MCC: variants seen among roughly 807,000 people sequenced by gnomAD.
MCC encodes colorectal mutant cancer protein.
In MCC, 90 loss-of-function variants were observed where a neutral mutation model predicts 116.2. The ratio of observed to expected loss-of-function variants is 0.77; its 90% confidence interval spans 0.65 to 0.92. The LOEUF is 0.92. Among genes scored for constraint, MCC ranks in the 40% least tolerant of loss-of-function variants. The pLI is 0.00. For missense variants in MCC, 1,516 were observed against 1,312.2 expected (o/e 1.16, Z -2.40); for synonymous variants, 578 against 510.5 (o/e 1.13, Z -1.78).
At chr5:113,376,489 A>G (rs985557196) in intron 2 of MCC, among the ~76,000 whole-genome samples, 2 of 152,122 alleles carry the variant, frequency 1.3e-5, no homozygotes. Flanking sequence ...AAGAGACATA[A>G]AATAAAATGT....
chr5:113,416,675 G>T lies in MCC; in HGVS notation c.171-31463C>A, dbSNP rs184838737. Among the ~76,000 whole-genome samples, 885 of 152,224 alleles carry T rather than the reference G, an allele frequency of 5.8e-3. 3 individuals carry two copies. The highest frequency in any genetic ancestry group is 9.0e-3 in the Non-Finnish European group (609 of 68,008). On this transcript the variant is annotated intron_variant, in intron 1 of 18. Transcript: ENST00000408903. ...AATGGTAGATGCCCTTGGACAGTTA[G>T]ATGAAGTGGCTAGAAAACAAAATAG... is the stretch of plus-strand genomic sequence containing the variant.
chr5:113,488,325 G>A lies in MCC; in HGVS notation c.90C>T (p.Asp30=). The A allele has an allele frequency of 3.8e-6, 6 of 1,561,186 alleles. No homozygotes were observed. Among genetic ancestry groups the A allele is most frequent in the Non-Finnish European group, 5.2e-6 (6 of 1,159,522 alleles). Residue 30 remains aspartate, a synonymous_variant, in exon 1 of 19, where the codon GAC becomes GAT. Transcript: ENST00000408903. The part of the protein sequence containing the change: ...GGSGSSSSSS[D]TSSTGEEERM... ...TCTCCTCCTCGCCGGTGCTGGACGTGTCGCTGCTGCTGCTGCTGCTGCCGC... is the reference window on the plus strand; with the variant it reads ...TCTCCTCCTCGCCGGTGCTGGACGTATCGCTGCTGCTGCTGCTGCTGCCGC...
At chr5:113,169,509 G>A (rs1760960239) in intron 3 of MCC, among the ~76,000 whole-genome samples, 1 of 152,046 alleles carries the variant, frequency 6.6e-6, no homozygotes, top group Admixed American at 6.6e-5. Context: ...GGGTGGAGAT[G>A]AGGTGTGCAC....
chr5:113,294,346 A>G (rs1442991982), intron 3 of MCC: 1 of 1,613,746 alleles, frequency 6.2e-7, no homozygotes, highest in South Asian at 1.1e-5. Context: ...AGCTCGGCCG[A>G]GGAGTCGTTT....
At position 113,292,863 on chromosome 5, in the gene MCC, T is replaced by G. The variant is rs141127621; in HGVS notation, c.627+47656A>C. On this transcript the variant is annotated intron_variant, in intron 3 of 18. Coordinates refer to ENST00000408903, the MANE Select transcript of MCC (RefSeq NM_001085377.2). ...TTAGAAGATCACCAAAGGCTTCTCCTGAAACAGGGTTAGTGATGGAGCAGG... is the reference window on the plus strand; with the variant it reads ...TTAGAAGATCACCAAAGGCTTCTCCGGAAACAGGGTTAGTGATGGAGCAGG... 4.4e-3 allele frequency among the ~76,000 whole-genome samples: 667 copies of G among 152,318 alleles called. 9 individuals carry two copies. Among genetic ancestry groups the G allele is most frequent in the African/African-American group, 0.015 (635 of 41,562 alleles).
intron 3 of MCC, among the ~76,000 whole-genome samples, chr5:113,265,731 C>T (rs1765394859): frequency 1.3e-5 from 2 of 151,848 alleles, no homozygotes; most frequent in Admixed American, 1.3e-4. Context: ...ATCATGCTTC[C>T]CTCACTGCAG....
chr5:113,393,046 AAC>A (rs34998926), intron 1 of MCC, among the ~76,000 whole-genome samples: 3,965 of 152,286 alleles, frequency 0.026, 172 homozygotes, highest in African/African-American at 0.089. Context: ...AAAATATACA[AAC>A]AATGCTATAA....
At chr5:113,333,879 A>ATATATG (rs1767804218) in intron 3 of MCC, among the ~76,000 whole-genome samples, 1 of 98,556 alleles carries the variant, frequency 1.0e-5, no homozygotes, top group Admixed American at 1.2e-4. Context: ...GTATTCACAT[A>ATATATG]TACATGTATT....
At chr5:113,412,748 T>C (rs950053380) in intron 1 of MCC, among the ~76,000 whole-genome samples, 5 of 152,186 alleles carry the variant, frequency 3.3e-5, no homozygotes, top group African/African-American at 7.2e-5. Flanking sequence ...CTTTTCCTAA[T>C]TGAATACCAT....
chr5:113,328,707 G>A (rs1767626541), intron 3 of MCC, among the ~76,000 whole-genome samples: 1 of 152,080 alleles, frequency 6.6e-6, no homozygotes, highest in South Asian at 2.1e-4. Flanking sequence ...ATTCACCAGG[G>A]GTTTTAATTA....
At chr5:113,056,059 A>G (rs1408720464) in intron 14 of MCC, among the ~76,000 whole-genome samples, 1 of 152,200 alleles carries the variant, frequency 6.6e-6, no homozygotes, top group African/African-American at 2.4e-5. Context: ...TAGAATCTAT[A>G]TCAAGAGATC....
intron 15 of MCC, among the ~76,000 whole-genome samples, chr5:113,053,009 G>C (rs6594667): frequency 0.98 from 148,963 of 152,328 alleles, 72,846 homozygotes; most frequent in East Asian, 1. Flanking sequence ...CAGCTGCCTT[G>C]TAAGAGCAGG....
chr5:113,062,316 T>C (rs986359069), intron 14 of MCC, among the ~76,000 whole-genome samples: 1 of 152,258 alleles, frequency 6.6e-6, no homozygotes, highest in East Asian at 1.9e-4. Context: ...GGCTAACCTG[T>C]AAGTTCAAGT....
At chr5:113,076,071 G>A (rs958739965) in intron 11 of MCC, among the ~76,000 whole-genome samples, 3 of 152,152 alleles carry the variant, frequency 2.0e-5, no homozygotes, top group Non-Finnish European at 4.4e-5. Context: ...CCATCTTTAA[G>A]AACTGTAACA....
At chr5:113,335,379 TA>T (rs1028351077) in intron 3 of MCC, among the ~76,000 whole-genome samples, 2 of 151,728 alleles carry the variant, frequency 1.3e-5, no homozygotes, top group Non-Finnish European at 2.9e-5. Flanking sequence ...CTTTTATTAA[TA>T]AAAAATAAAA....
chr5:113,113,258 G>C (rs74335708), intron 6 of MCC, among the ~76,000 whole-genome samples: 2 of 152,184 alleles, frequency 1.3e-5, no homozygotes, highest in African/African-American at 4.8e-5. Flanking sequence ...AGATCTCGTT[G>C]TAGCTCTACG....
chr5:113,348,007 T>C lies in MCC; in HGVS notation c.416-7277A>G, dbSNP rs141451508. 1.3e-3 allele frequency among the ~76,000 whole-genome samples: 198 copies of C among 152,178 alleles called. 1 individual carries two copies. The Middle Eastern group carries it at 0.014, about 10-fold the overall frequency. ...CATTATATAATGATAAAGGGGTCAA[T>C]TCAGCAAGAGGATATAACAATTGTA... is the stretch of plus-strand genomic sequence containing the variant. On this transcript the variant is annotated intron_variant, in intron 2 of 18. Transcript: ENST00000408903.
intron 1 of MCC, among the ~76,000 whole-genome samples, chr5:113,407,797 G>A (rs921222623): frequency 6.6e-6 from 1 of 151,532 alleles, no homozygotes; most frequent in Non-Finnish European, 1.5e-5. Context: ...CCCTTCCCTC[G>A]CACCTCTCCC....
intron 6 of MCC, among the ~76,000 whole-genome samples, chr5:113,119,802 T>C (rs1757629376): frequency 6.6e-6 from 1 of 152,176 alleles, no homozygotes; most frequent in Non-Finnish European, 1.5e-5. Context: ...GGAAAGAGGC[T>C]ACCACCAGTT....
Sources: gnomAD v4.1 joint callset for allele counts (sites outside exome capture counted in the v4.1 genomes callset) on GRCh38, gnomAD v4.1.1 for gene constraint, MANE v1.5 for transcripts, NCBI Gene and HGNC (gene_info 2026-07-23, HGNC 2026-07-21) for gene names.